The following SLC30A8 variants were observed in gnomAD, a reference collection of about 807,000 sequenced individuals.
SLC30A8 encodes the protein solute carrier family 30 member 8, also known as proton-coupled zinc antiporter SLC30A8.
Under a neutral mutation model 36.9 loss-of-function variants are expected in SLC30A8, and 27 were observed. The observed-to-expected ratio is 0.73, with a 90% CI of 0.54 to 1.01. The LOEUF (loss-of-function observed/expected upper bound fraction) is 1.01. SLC30A8 is among the 50% of genes least tolerant of loss of function. The pLI, the probability that SLC30A8 is intolerant of heterozygous loss-of-function variation, is 0.00. For synonymous variants in SLC30A8, 164 were observed against 172.4 expected (o/e 0.95, Z 0.38); for missense variants, 439 against 452.0 (o/e 0.97, Z 0.26).
At chr8:117,117,151 A>G (rs1332227047) in intron 2 of SLC30A8, among the ~76,000 whole-genome samples, 2 of 152,022 alleles carry the variant, frequency 1.3e-5, no homozygotes, top group Non-Finnish European at 2.9e-5. Context: ...GCTCTTCTGA[A>G]TAATGCAAAA....
chr8:117,040,375 A>G (rs571092680), intron 2 of SLC30A8, among the ~76,000 whole-genome samples: 1 of 152,226 alleles, frequency 6.6e-6, no homozygotes, highest in Non-Finnish European at 1.5e-5. Flanking sequence ...ATGCAAAACT[A>G]TGCTCTGTCT....
intron 6 of SLC30A8, 40 bp downstream of exon 6, chr8:117,163,570 T>C: frequency 6.9e-7 from 1 of 1,456,748 alleles, no homozygotes; most frequent in Non-Finnish European, 9.5e-7. Flanking sequence ...GTCAGTGTTT[T>C]CTCTTCCCTA....
chr8:117,023,258 T>C (rs1816763654), intron 1 of SLC30A8, among the ~76,000 whole-genome samples: 1 of 152,100 alleles, frequency 6.6e-6, no homozygotes, highest in African/African-American at 2.4e-5. Flanking sequence ...GAGGAACACT[T>C]TTACACTGTT....
rs543907164 is a variant in SLC30A8 at position 117,077,464 on chromosome 8, T to C, written c.-226+38206T>C. ...TGATGTCTGTGCTATTGGCATTGGA[T>C]TTTGGTTTTAATCTAAGGCCTATGA... On this transcript the variant is annotated intron_variant, in intron 2 of 10. Coordinates refer to the SLC30A8 transcript ENST00000427715. Among the ~76,000 whole-genome samples, 22 of 152,346 alleles carry C rather than the reference T, an allele frequency of 1.4e-4. No individual in the cohort carries two copies. In the South Asian group the frequency reaches 4.6e-3, roughly 32 times the overall value.
At chr8:117,027,696 A>C (rs1235168645) in intron 1 of SLC30A8, among the ~76,000 whole-genome samples, 1 of 152,164 alleles carries the variant, frequency 6.6e-6, no homozygotes, top group Non-Finnish European at 1.5e-5. Flanking sequence ...TGTGATTCTT[A>C]AGGGTCATTT....
intron 1 of SLC30A8, among the ~76,000 whole-genome samples, chr8:116,979,238 C>CAAAAAAAAAAAA (rs67998633): frequency 3.1e-5 from 2 of 64,308 alleles, no homozygotes; most frequent in Non-Finnish European, 5.6e-5. Flanking sequence ...GACCCTGTCT[C>CAAAAAAAAAAAA]AAAAAAAAAA....
intron 2 of SLC30A8, among the ~76,000 whole-genome samples, chr8:117,079,508 G>T (rs1176261962): frequency 6.6e-6 from 1 of 152,038 alleles, no homozygotes; most frequent in Non-Finnish European, 1.5e-5. Flanking sequence ...AAGCTTCATT[G>T]TACTATTCTC....
rs1265422914 is a variant in SLC30A8, at chr8:117,175,474, G to GCAT, written c.*2796_*2798dup. The GCAT allele has an allele frequency of 6.6e-6, 1 of 152,098 alleles. No homozygotes were observed. The highest frequency in any genetic ancestry group is 1.5e-5 in the Non-Finnish European group (1 of 67,990). The allele number at this position is 152,098 out of a possible 1,614,324, so 9.4% of individuals were successfully genotyped here. On this transcript the variant is annotated 3_prime_UTR_variant, in exon 8 of 8. Transcript: ENST00000456015. ...GAAAGAAAGGATGTTTACACATTAA[G>GCAT]CATCAGTTCTGAAGCTAGATTGTCT...
At chr8:116,953,505 C>G (rs1203557968) in intron 1 of SLC30A8, among the ~76,000 whole-genome samples, 1 of 151,948 alleles carries the variant, frequency 6.6e-6, no homozygotes, top group Non-Finnish European at 1.5e-5. Context: ...ATTGCTTGTT[C>G]TGCTTAGCTT....
At chr8:117,035,506 T>C (rs983582616) in intron 1 of SLC30A8, among the ~76,000 whole-genome samples, 1 of 152,188 alleles carries the variant, frequency 6.6e-6, no homozygotes, top group Admixed American at 6.5e-5. Flanking sequence ...CGGTCTGACA[T>C]TGAGTGCCTG....
chr8:116,983,155 A>G (rs1216038039), intron 1 of SLC30A8, among the ~76,000 whole-genome samples: 2 of 152,142 alleles, frequency 1.3e-5, no homozygotes, highest in Non-Finnish European at 1.5e-5. Context: ...GTACTTTTTT[A>G]TAAAACCATG....
intron 1 of SLC30A8, among the ~76,000 whole-genome samples, chr8:117,036,047 T>G (rs2130748088): frequency 6.6e-6 from 1 of 152,256 alleles, no homozygotes; most frequent in Middle Eastern, 3.4e-3. Flanking sequence ...TTTTCCCCAT[T>G]GTCTTGGCTA....
chr8:117,048,322 A>C (rs920245870), intron 2 of SLC30A8, among the ~76,000 whole-genome samples: 5 of 152,240 alleles, frequency 3.3e-5, no homozygotes, highest in African/African-American at 4.8e-5. Flanking sequence ...TCAGGAGATC[A>C]GTGACCCAAT....
At chr8:117,024,619 A>C (rs1816815273) in intron 1 of SLC30A8, among the ~76,000 whole-genome samples, 1 of 152,234 alleles carries the variant, frequency 6.6e-6, no homozygotes, top group African/African-American at 2.4e-5. Context: ...GAACCCTAGC[A>C]TACACAAAAG....
intron 6 of SLC30A8, among the ~76,000 whole-genome samples, chr8:117,170,361 TAAAA>T (rs1386298808): frequency 1.3e-5 from 2 of 152,042 alleles, no homozygotes; most frequent in East Asian, 3.9e-4. Flanking sequence ...AAGTAGAGGC[TAAAA>T]AAGGGCTGTA....
intron 2 of SLC30A8, among the ~76,000 whole-genome samples, chr8:117,112,214 A>G (rs1346944596): frequency 1.3e-5 from 2 of 152,158 alleles, no homozygotes; most frequent in Non-Finnish European, 2.9e-5. Context: ...TAGGTTCAAC[A>G]TGCCAGAGTG....
At chr8:116,963,858 C>T (rs1011161329) in intron 1 of SLC30A8, among the ~76,000 whole-genome samples, 4 of 152,198 alleles carry the variant, frequency 2.6e-5, no homozygotes, top group African/African-American at 9.7e-5. Flanking sequence ...GCAGCTGTAC[C>T]ATTTTACTGA....
intron 1 of SLC30A8, among the ~76,000 whole-genome samples, chr8:117,016,473 A>T (rs1816522965): frequency 6.6e-6 from 1 of 152,190 alleles, no homozygotes; most frequent in African/African-American, 2.4e-5. Context: ...TATCAACTCC[A>T]GGCTGAGGTG....
At chr8:116,953,274 G>A (rs983497286) in intron 1 of SLC30A8, among the ~76,000 whole-genome samples, 3 of 151,886 alleles carry the variant, frequency 2.0e-5, no homozygotes, top group Non-Finnish European at 2.9e-5. Context: ...CTAATCCATC[G>A]TTGATGGGCA....
Sources: allele counts gnomAD v4.1 joint callset (sites outside exome capture counted in the v4.1 genomes callset), GRCh38; gene constraint gnomAD v4.1.1; transcripts MANE v1.5; gene names NCBI Gene and HGNC (gene_info 2026-07-23, HGNC 2026-07-21).